Variants in ZDBF2 observed in about 807,000 individuals in gnomAD.
ZDBF2 encodes DBF4-type zinc finger-containing protein 2.
A neutral mutation model predicts 9.4 loss-of-function variants in ZDBF2; 6 were observed. The ratio of observed to expected loss-of-function variants is 0.64; its 90% confidence interval spans 0.35 to 1.27. The LOEUF (loss-of-function observed/expected upper bound fraction) is 1.27, where lower values mean the gene tolerates loss of function less well. Among genes scored for constraint, ZDBF2 ranks in the 50% most tolerant of loss-of-function variants. ZDBF2 has a pLI of 0.03. For synonymous variants in ZDBF2, 905 were observed against 946.3 expected (o/e 0.96, Z 0.80); for missense variants, 2,697 against 2,766.8 (o/e 0.97, Z 0.57).
intron 1 of ZDBF2, among the ~76,000 whole-genome samples, chr2:206,277,311 TA>T (rs938302607): frequency 2.2e-3 from 305 of 137,692 alleles, no homozygotes; most frequent in South Asian, 6.7e-3. Context: ...AATATTTCTT[TA>T]AAAAAAAAAA....
chr2:206,309,375 C>T lies in ZDBF2; in HGVS notation c.4847C>T (p.Pro1616Leu). 2 of 1,613,508 alleles carry T rather than the reference C, an allele frequency of 1.2e-6. No homozygotes were observed. The highest frequency in any genetic ancestry group is 1.7e-6 in the Non-Finnish European group (2 of 1,179,746). The stretch of plus-strand genomic sequence containing the variant: ...AAGGACTATATTATTCTGGGAGAGC[C>T]AAGTTGTCAATCTTGTGGTTCTGAA... The part of the protein sequence containing the change: ...RKKDYIILGE[P>L]SCQSCGSEMN... Residue 1616 changes from proline to leucine, a missense_variant, in exon 5 of 5, where the codon CCA (proline) becomes CTA (leucine). Physicochemically the swap from Pro to Leu is moderately conservative, Grantham distance 98 (BLOSUM62 -3). Around this residue, in one of 3 missense-constraint regions of ZDBF2, gnomAD observed 1,783 missense variants for 1,776.5 expected, o/e 1.00. Coordinates refer to ENST00000374423, the MANE Select transcript of ZDBF2 (RefSeq NM_020923.3).
At chr2:206,299,785 G>A (rs1027682356) in intron 4 of ZDBF2, among the ~76,000 whole-genome samples, 2 of 151,052 alleles carry the variant, frequency 1.3e-5, no homozygotes, top group African/African-American at 4.9e-5. Flanking sequence ...GGGCAACATA[G>A]TGAGGCCTGT....
In ZDBF2 at chr2:206,307,265, G is replaced by A. The variant is rs772633226; in HGVS notation, c.2737G>A (p.Asp913Asn). Reference sequence around the variant, plus strand: ...AGAAAATAAGGAAAATGAACCTATTGATTCTGAAGTAAGTTTGGATTATAA... The same window carrying A: ...AGAAAATAAGGAAAATGAACCTATTAATTCTGAAGTAAGTTTGGATTATAA... Reference protein sequence around the residue: ...HLENKENEPIDSEVSLDYNII... With the variant: ...HLENKENEPINSEVSLDYNII... The change falls in exon 5 of 5, where the codon GAT becomes AAT. Residue 913 changes from aspartate to asparagine, a missense_variant. Coordinates refer to ENST00000374423, the MANE Select transcript of ZDBF2 (RefSeq NM_020923.3). 7 of 1,607,044 alleles carry A rather than the reference G, an allele frequency of 4.4e-6. No individual in the cohort carries two copies. Among genetic ancestry groups the A allele is most frequent in the Non-Finnish European group, 5.9e-6 (7 of 1,178,152 alleles).
At chr2:206,300,629 T>C (rs1692452399) in intron 4 of ZDBF2, among the ~76,000 whole-genome samples, 1 of 152,226 alleles carries the variant, frequency 6.6e-6, no homozygotes, top group Non-Finnish European at 1.5e-5. Flanking sequence ...GTTACTCCAC[T>C]GTGAAGTTAC....
Position 206,308,105 on chromosome 2 carries a change from C to G in ZDBF2, c.3577C>G (p.Gln1193Glu). 6.2e-7 allele frequency: 1 copy of G among 1,613,946 alleles called. No individual in the cohort carries two copies. Among genetic ancestry groups the G allele is most frequent in the Non-Finnish European group, 8.5e-7 (1 of 1,179,852 alleles). The stretch of plus-strand genomic sequence containing the variant: ...CATTGAACTAGAAGGTAAGCACAAT[C>G]AATGTTGTGGTTCTGAAGTAAGTTT... ...EHIELEGKHNQCCGSEVSFDS... is the reference protein window; with the variant it reads ...EHIELEGKHNECCGSEVSFDS... The change falls in exon 5 of 5, where the codon CAA becomes GAA. Residue 1193 changes from glutamine to glutamate, a missense_variant. By Grantham distance (29) the Gln-to-Glu change is conservative. This residue lies in a region of ZDBF2 where 1,783 missense variants were observed against 1,776.5 expected (regional missense o/e 1.00). Transcript: ENST00000374423.
At chr2:206,277,530 C>A (rs1020773458) in intron 1 of ZDBF2, among the ~76,000 whole-genome samples, 1 of 151,694 alleles carries the variant, frequency 6.6e-6, no homozygotes, top group Non-Finnish European at 1.5e-5. Context: ...GCTTTGGATT[C>A]ATAAAAAGGC....
intron 3 of ZDBF2, among the ~76,000 whole-genome samples, chr2:206,284,681 T>C (rs999321992): frequency 2.0e-5 from 3 of 152,198 alleles, no homozygotes; most frequent in African/African-American, 7.2e-5. Context: ...GACAAGATTT[T>C]CTTCTTTTAT....
intron 3 of ZDBF2, chr2:206,291,970 A>G: frequency 2.5e-6 from 1 of 397,804 alleles, no homozygotes; most frequent in Non-Finnish European, 4.4e-6. Context: ...GTGAAATAAA[A>G]CTATTTTCAG....
Position 206,307,490 on chromosome 2 carries a change from T to C in ZDBF2, c.2962T>C (p.Phe988Leu). The C allele has an allele frequency of 6.2e-7, 1 of 1,613,310 alleles. No homozygotes were observed. ...TWLQREKHAE[F>L]QGRSTEFSGS... The stretch of plus-strand genomic sequence containing the variant: ...GCTTCAAAGAGAAAAGCACGCTGAA[T>C]TCCAAGGTAGAAGTACTGAATTCAG... Residue 988 changes from phenylalanine to leucine, a missense_variant, in exon 5 of 5, where the codon TTC becomes CTC. Phe to Leu is a conservative substitution (Grantham distance 22, BLOSUM62 0). Around this residue, in one of 3 missense-constraint regions of ZDBF2, gnomAD observed 1,783 missense variants for 1,776.5 expected, o/e 1.00. Transcript: ENST00000374423.
chr2:206,305,508 C>A lies in ZDBF2; in HGVS notation c.980C>A (p.Ala327Glu). The change falls in exon 5 of 5, where the codon GCA becomes GAA. Residue 327 changes from alanine (A) to glutamate (E), a missense_variant. Ala to Glu is a moderately radical substitution (Grantham distance 107). Transcript: ENST00000374423. Reference sequence around the variant, plus strand: ...AAAGGAATCTTTGAAGATACTATTGCAAAGAACCATGAGGAATTCTTTTCT... The same window carrying A: ...AAAGGAATCTTTGAAGATACTATTGAAAAGAACCATGAGGAATTCTTTTCT... ...SNKGIFEDTI[A>E]KNHEEFFSNM... 1 of 1,613,258 alleles carries A rather than the reference C, an allele frequency of 6.2e-7. No individual in the cohort carries two copies. The highest frequency in any genetic ancestry group is 8.5e-7 in the Non-Finnish European group (1 of 1,179,706).
Position 206,304,999 on chromosome 2 carries a change from C to A in ZDBF2, c.471C>A (p.Ala157=). 1 of 1,613,538 alleles carries A rather than the reference C, an allele frequency of 6.2e-7. No homozygotes were observed. Among genetic ancestry groups the A allele is most frequent in the South Asian group, 1.1e-5 (1 of 91,034 alleles). Residue 157 remains alanine (A), a synonymous_variant, in exon 5 of 5, where the codon GCC becomes GCA. Coordinates refer to ENST00000374423, the MANE Select transcript of ZDBF2 (RefSeq NM_020923.3). ...QPLEFVHKIG[A]SVRKCNLVDI... The stretch of plus-strand genomic sequence containing the variant: ...TGGAGTTTGTTCATAAAATTGGGGC[C>A]AGTGTGAGAAAATGTAACCTAGTAG...
chr2:206,299,169 A>G (rs913485070), intron 4 of ZDBF2, among the ~76,000 whole-genome samples: 1 of 151,898 alleles, frequency 6.6e-6, no homozygotes, highest in Non-Finnish European at 1.5e-5. Context: ...GCGTGAGCCA[A>G]CACGCCCGGC....
chr2:206,302,928 C>CA (rs1253794199), intron 4 of ZDBF2, among the ~76,000 whole-genome samples: 1 of 151,870 alleles, frequency 6.6e-6, no homozygotes, highest in Non-Finnish European at 1.5e-5. Context: ...TTTTTATAAA[C>CA]AAACAGTTTT....
At position 206,309,155 on chromosome 2, in the gene ZDBF2, G is replaced by A. The variant is rs1469053605; in HGVS notation, c.4627G>A (p.Asp1543Asn). 1.9e-6 allele frequency: 3 copies of A among 1,612,026 alleles called. No individual in the cohort carries two copies. Among genetic ancestry groups the A allele is most frequent in the South Asian group, 1.1e-5 (1 of 90,760 alleles). ...TAGTGATTATGAAGTAATTTCAGAT[G>A]ATATTCCCCTTCAGTTAGTGACTGA... Reference protein sequence around the residue: ...GDSDYEVISDDIPLQLVTDPP... With the variant: ...GDSDYEVISDNIPLQLVTDPP... The change falls in exon 5 of 5, where the codon GAT (aspartate) becomes AAT (asparagine). Residue 1543 changes from aspartate to asparagine, a missense_variant. Asp to Asn is a conservative substitution (Grantham distance 23). Coordinates refer to ENST00000374423, the MANE Select transcript of ZDBF2 (RefSeq NM_020923.3).
chr2:206,312,482 T>A lies in ZDBF2; in HGVS notation c.*889T>A, dbSNP rs1693241747. ...CAGGCTGGAGTGCAGTGGCCTGAAC[T>A]TAGCTCACCGCAACCTCCACCTCCC... On this transcript the variant is annotated 3_prime_UTR_variant, in exon 5 of 5. Transcript: ENST00000374423. 1 of 152,268 alleles carries A rather than the reference T, an allele frequency of 6.6e-6. No homozygotes were observed. Among genetic ancestry groups the A allele is most frequent in the Non-Finnish European group, 1.5e-5 (1 of 68,092 alleles). 9.4% of individuals were successfully genotyped at this position (152,268 alleles called of 1,614,324 possible).
chr2:206,307,161 C>G lies in ZDBF2; in HGVS notation c.2633C>G (p.Ala878Gly), dbSNP rs200182053. The change falls in exon 5 of 5, where the codon GCC becomes GGC. Residue 878 changes from alanine to glycine, a missense_variant. By Grantham distance (60) the Ala-to-Gly change is moderately conservative. Transcript: ENST00000374423. Reference protein sequence around the residue: ...SGSEISSDSHAPLHSVTNSPE... With the variant: ...SGSEISSDSHGPLHSVTNSPE... ...TCTGAAATAAGTTCGGATTCCCATG[C>G]CCCTCTTCATTCAGTGACTAATTCT... 3.8e-5 allele frequency: 61 copies of G among 1,613,328 alleles called. No homozygotes were observed. The African/African-American group carries it at 7.1e-4, about 19-fold the overall frequency.
chr2:206,304,611 T>C (rs1023189578), intron 4 of ZDBF2, 106 bp from the exon 5 acceptor site: 5 of 1,371,358 alleles, frequency 3.6e-6, no homozygotes, highest in East Asian at 5.0e-5. Flanking sequence ...CCTTGTCCTT[T>C]AAGGATAGTC....
chr2:206,312,319 G>A lies in ZDBF2; in HGVS notation c.*726G>A, dbSNP rs1307369838. 1 of 152,090 alleles carries A rather than the reference G, an allele frequency of 6.6e-6. No homozygotes were observed. Among genetic ancestry groups the A allele is most frequent in the African/African-American group, 2.4e-5 (1 of 41,398 alleles). The allele number at this position is 152,090 out of a possible 1,614,324, so 9.4% of individuals were successfully genotyped here. A position where few individuals can be genotyped will look rare whatever the true frequency, so the allele number is the denominator to read the frequency against. On this transcript the variant is annotated 3_prime_UTR_variant, in exon 5 of 5. Transcript: ENST00000374423. ...ACCTTTACTCTCTTCTACATGAAGA[G>A]TTGGTGGCTTAATATGAAAATCCAG... is the stretch of plus-strand genomic sequence containing the variant.
rs1227658852 is a variant in ZDBF2, at chr2:206,297,307, G to A, written c.122G>A (p.Ser41Asn). 8 of 1,611,640 alleles carry A rather than the reference G, an allele frequency of 5.0e-6. No homozygotes were observed. Among genetic ancestry groups the A allele is most frequent in the African/African-American group, 1.3e-5 (1 of 74,962 alleles). The part of the protein sequence containing the change: ...TRQSRRQICT[S>N]SLMERFLQDV... The stretch of plus-strand genomic sequence containing the variant: ...CAGAGTAGACGTCAAATATGTACCA[G>A]TAGTTTGATGGAACGTTTCTTACAG... The change falls in exon 4 of 5, where the codon AGT becomes AAT. Residue 41 changes from serine to asparagine, a missense_variant. Ser to Asn is a conservative substitution (Grantham distance 46, BLOSUM62 1). Around this residue, in one of 3 missense-constraint regions of ZDBF2, gnomAD observed 910 missense variants for 973.6 expected, o/e 0.93. Transcript: ENST00000374423.
Sources: gnomAD v4.1 joint callset for allele counts (sites outside exome capture counted in the v4.1 genomes callset) on GRCh38, gnomAD v4.1.1 for gene constraint, gnomAD v4.1.1 regional missense constraint, MANE v1.5 for transcripts, NCBI Gene and HGNC (gene_info 2026-07-23, HGNC 2026-07-21) for gene names.